The following CSMD1 variants were observed in gnomAD, a reference collection of about 807,000 sequenced individuals.
CSMD1 encodes CUB and sushi domain-containing protein 1.
CSMD1 carries 213 observed loss-of-function variants against 417.5 expected under a neutral mutation model. The observed-to-expected ratio is 0.51, with a 90% CI of 0.46 to 0.57. CSMD1 has a LOEUF of 0.57. Among genes scored for constraint, CSMD1 ranks in the 20% least tolerant of loss-of-function variants. The pLI is 0.00. For missense variants in CSMD1, 6,923 were observed against 4,529.7 expected, an observed-to-expected ratio of 1.53 and a Z score of -15.17; for synonymous variants, 2,862 against 1,736.8, an observed-to-expected ratio of 1.65 and a Z score of -16.11.
chr8:4,475,282 A>C (rs2130084118), intron 2 of CSMD1, among the ~76,000 whole-genome samples: 1 of 152,304 alleles, frequency 6.6e-6, no homozygotes. Flanking sequence ...TATCCATAAT[A>C]GTTTGAAATC....
intron 21 of CSMD1, among the ~76,000 whole-genome samples, chr8:3,351,057 T>A (rs1273148249): frequency 6.6e-6 from 1 of 152,226 alleles, no homozygotes; most frequent in Non-Finnish European, 1.5e-5. Context: ...CACTTTATAT[T>A]CACAGCTTGA....
chr8:3,214,777 G>A, intron 29 of CSMD1, 86 bp from the exon 30 acceptor site: 1 of 1,052,196 alleles, frequency 9.5e-7, no homozygotes, highest in Non-Finnish European at 1.4e-6. Context: ...TTCTTTAATT[G>A]TGTTATTTAG....
At chr8:3,988,153 C>T (rs1042074097) in intron 5 of CSMD1, among the ~76,000 whole-genome samples, 1 of 152,098 alleles carries the variant, frequency 6.6e-6, no homozygotes, top group African/African-American at 2.4e-5. Flanking sequence ...GGCAGTTGGG[C>T]TGGTTCAGAA....
At chr8:3,565,080 A>C (rs1799640609) in intron 10 of CSMD1, among the ~76,000 whole-genome samples, 1 of 149,556 alleles carries the variant, frequency 6.7e-6, no homozygotes, top group Non-Finnish European at 1.5e-5. Flanking sequence ...CCTGAACTTA[A>C]AATAAATATT....
chr8:3,941,639 T>C (rs1268752839), intron 5 of CSMD1, among the ~76,000 whole-genome samples: 2 of 152,142 alleles, frequency 1.3e-5, no homozygotes, highest in Non-Finnish European at 2.9e-5. Flanking sequence ...ATGAAAAAAA[T>C]TAAACTCTTT....
intron 6 of CSMD1, among the ~76,000 whole-genome samples, chr8:3,737,044 A>G (rs974561728): frequency 3.3e-5 from 5 of 152,210 alleles, no homozygotes; most frequent in African/African-American, 4.8e-5. Context: ...GTCCAATTAT[A>G]AAGTGCTTTA....
intron 10 of CSMD1, among the ~76,000 whole-genome samples, chr8:3,539,298 C>T (rs1798340624): frequency 6.6e-6 from 1 of 152,204 alleles, no homozygotes; most frequent in Non-Finnish European, 1.5e-5. Flanking sequence ...CCCCTACTGC[C>T]TACCTCCCAC....
intron 6 of CSMD1, among the ~76,000 whole-genome samples, chr8:3,752,706 A>T (rs908178860): frequency 7.1e-6 from 1 of 141,440 alleles, no homozygotes; most frequent in Non-Finnish European, 1.6e-5. Flanking sequence ...AAAAAAAAAC[A>T]TATTTTGTTG....
chr8:4,662,530 G>T (rs553684242), intron 1 of CSMD1, among the ~76,000 whole-genome samples: 1 of 152,134 alleles, frequency 6.6e-6, no homozygotes, highest in Non-Finnish European at 1.5e-5. Context: ...TGTTTTTCAG[G>T]CACTTTCGCT....
intron 3 of CSMD1, among the ~76,000 whole-genome samples, chr8:4,139,721 G>C (rs894188471): frequency 6.6e-6 from 1 of 151,146 alleles, no homozygotes; most frequent in African/African-American, 2.5e-5. Flanking sequence ...AGCCCCGAGT[G>C]ATGCTTGAGT....
chr8:3,205,953 G>C (rs1009574655), intron 30 of CSMD1, among the ~76,000 whole-genome samples: 1 of 152,202 alleles, frequency 6.6e-6, no homozygotes. Flanking sequence ...TCGCGGAGTT[G>C]TCTGTTCGAA....
intron 5 of CSMD1, among the ~76,000 whole-genome samples, chr8:3,896,030 G>C (rs1027713081): frequency 6.6e-6 from 1 of 152,192 alleles, no homozygotes; most frequent in Admixed American, 6.5e-5. Flanking sequence ...GAAAAAGAAA[G>C]GAAGAAATGA....
Position 3,796,264 on chromosome 8 carries a change from TATAG to T in CSMD1, c.819-42226_819-42223del, listed in dbSNP as rs1419140635. 9.0e-3 allele frequency among the ~76,000 whole-genome samples: 451 copies of T among 49,890 alleles called. 130 individuals are homozygous for T. The highest frequency in any genetic ancestry group is 0.014 in the Non-Finnish European group (360 of 24,940). The allele number at this position is 49,890 out of a possible 152,430, so 32.7% of individuals were successfully genotyped here. A position where few individuals can be genotyped will look rare whatever the true frequency, so the allele number is the denominator to read the frequency against. On this transcript the variant is annotated intron_variant, in intron 5 of 69. Coordinates refer to ENST00000635120, the MANE Select transcript of CSMD1 (RefSeq NM_033225.6). Reference sequence around the variant, plus strand: ...TAGATATATATCTATCATGTATAGATATAGATATATATCTATCATGTATAGATAT... The same window carrying T: ...TAGATATATATCTATCATGTATAGATATATATATCTATCATGTATAGATAT...
chr8:4,794,707 G>A (rs1189837660), intron 1 of CSMD1, among the ~76,000 whole-genome samples: 4 of 152,178 alleles, frequency 2.6e-5, no homozygotes, highest in African/African-American at 4.8e-5. Flanking sequence ...AGGCCATGTG[G>A]CAGAGTATTT....
intron 2 of CSMD1, among the ~76,000 whole-genome samples, chr8:4,489,615 G>A (rs963185492): frequency 2.0e-5 from 3 of 152,150 alleles, no homozygotes; most frequent in African/African-American, 7.2e-5. Flanking sequence ...AGTGTGGCAT[G>A]GCCTGTGACT....
chr8:3,343,212 A>G (rs1041439627), intron 23 of CSMD1, 82 bp downstream of exon 23: 1 of 1,254,970 alleles, frequency 8.0e-7, no homozygotes, highest in African/African-American at 1.5e-5. Flanking sequence ...AAAAATCAAT[A>G]TTTAAAACTT....
chr8:4,014,489 TC>T (rs1796428386), intron 4 of CSMD1, among the ~76,000 whole-genome samples: 1 of 152,204 alleles, frequency 6.6e-6, no homozygotes, highest in Non-Finnish European at 1.5e-5. Flanking sequence ...TGAGTTGGCT[TC>T]TTTTGATGTC....
intron 10 of CSMD1, among the ~76,000 whole-genome samples, chr8:3,494,408 C>A (rs914450283): frequency 6.6e-6 from 1 of 151,770 alleles, no homozygotes; most frequent in Admixed American, 6.6e-5. Flanking sequence ...GTGGCCAATA[C>A]TATGAGGAAG....
At chr8:4,025,457 G>T (rs764232815) in intron 4 of CSMD1, among the ~76,000 whole-genome samples, 1 of 152,170 alleles carries the variant, frequency 6.6e-6, no homozygotes, top group Non-Finnish European at 1.5e-5. Flanking sequence ...TAAAGTATGG[G>T]AAACATAAAG....
Sources: gnomAD v4.1 joint callset for allele counts (sites outside exome capture counted in the v4.1 genomes callset) on GRCh38, gnomAD v4.1.1 for gene constraint, MANE v1.5 for transcripts, NCBI Gene and HGNC (gene_info 2026-07-23, HGNC 2026-07-21) for gene names.